Variants in TYW1B observed in about 807,000 individuals in gnomAD.
The protein encoded by TYW1B is S-adenosyl-L-methionine-dependent tRNA 4-demethylwyosine synthase TYW1B.
TYW1B carries 73 observed loss-of-function variants against 86.9 expected under a neutral mutation model. That is an observed-to-expected ratio of 0.84 (90% CI 0.70 to 1.02). The LOEUF (loss-of-function observed/expected upper bound fraction) is 1.02, where lower values mean the gene tolerates loss of function less well. Among genes scored for constraint, TYW1B ranks in the 50% least tolerant of loss-of-function variants. The pLI, the probability that TYW1B is intolerant of heterozygous loss-of-function variation, is 0.00. For synonymous variants in TYW1B, 248 were observed against 292.8 expected, an observed-to-expected ratio of 0.85 and a Z score of 1.56; for missense variants, 637 against 827.4, an observed-to-expected ratio of 0.77 and a Z score of 2.82.
At chr7:72,704,808 A>G (rs1814574995) in intron 10 of TYW1B, among the ~76,000 whole-genome samples, 1 of 152,084 alleles carries the variant, frequency 6.6e-6, no homozygotes, top group Admixed American at 6.6e-5. Context: ...CAACGTCAGA[A>G]AGACACCAGG....
chr7:72,743,503 T>C (rs1259197574), intron 8 of TYW1B, among the ~76,000 whole-genome samples: 2 of 151,950 alleles, frequency 1.3e-5, no homozygotes, highest in Admixed American at 6.6e-5. Context: ...TGAGTTGGCA[T>C]AGAGAACTAG....
chr7:72,629,382 A>G (rs1481690848), intron 11 of TYW1B, among the ~76,000 whole-genome samples: 1 of 152,110 alleles, frequency 6.6e-6, no homozygotes, highest in Non-Finnish European at 1.5e-5. Context: ...TAATCACCCA[A>G]GTTGTTAGTG....
intron 5 of TYW1B, among the ~76,000 whole-genome samples, chr7:72,805,970 G>T (rs1056236222): frequency 1.3e-5 from 2 of 152,088 alleles, no homozygotes; most frequent in Admixed American, 6.6e-5. Context: ...AGGAATTGGG[G>T]TATTTAAAGA....
At chr7:72,818,750 G>A (rs1345317187) in intron 2 of TYW1B, among the ~76,000 whole-genome samples, 4 of 151,966 alleles carry the variant, frequency 2.6e-5, no homozygotes, top group Non-Finnish European at 4.4e-5. Context: ...GGCAAAGGAG[G>A]AGCAGGCACA....
intron 11 of TYW1B, among the ~76,000 whole-genome samples, chr7:72,689,558 C>T (rs1814090188): frequency 6.6e-6 from 1 of 152,132 alleles, no homozygotes. Context: ...CTCCCTACTA[C>T]TGGCCAACAA....
intron 6 of TYW1B, among the ~76,000 whole-genome samples, chr7:72,798,523 T>C (rs1471490707): frequency 6.6e-6 from 1 of 152,204 alleles, no homozygotes; most frequent in African/African-American, 2.4e-5. Flanking sequence ...GGATATACCA[T>C]GCTTTTTTCA....
intron 6 of TYW1B, among the ~76,000 whole-genome samples, chr7:72,792,543 A>G (rs1788238289): frequency 6.6e-6 from 1 of 152,200 alleles, no homozygotes; most frequent in Non-Finnish European, 1.5e-5. Flanking sequence ...ATGGAAACAG[A>G]AGGGAAACTT....
At chr7:72,650,197 A>G (rs1813027050) in intron 11 of TYW1B, among the ~76,000 whole-genome samples, 1 of 151,702 alleles carries the variant, frequency 6.6e-6, no homozygotes, top group Non-Finnish European at 1.5e-5. Context: ...TACAGGAGTG[A>G]GCCACCGCGC....
intron 6 of TYW1B, among the ~76,000 whole-genome samples, chr7:72,777,861 A>G (rs1787984952): frequency 6.6e-6 from 1 of 152,210 alleles, no homozygotes; most frequent in Non-Finnish European, 1.5e-5. Context: ...AGTTGCAGTG[A>G]GCCAAGATCA....
At chr7:72,676,231 T>C (rs1813732023) in intron 11 of TYW1B, among the ~76,000 whole-genome samples, 5 of 152,196 alleles carry the variant, frequency 3.3e-5, no homozygotes, top group Admixed American at 3.3e-4. Flanking sequence ...TGACCTTCAA[T>C]TTCCTCGTCT....
At chr7:72,819,423 C>T (rs1316074899) in intron 2 of TYW1B, among the ~76,000 whole-genome samples, 4 of 152,052 alleles carry the variant, frequency 2.6e-5, no homozygotes, top group African/African-American at 9.7e-5. Flanking sequence ...GTACCTGAGA[C>T]TGGGTAATCT....
chr7:72,750,271 AT>A (rs1554464832), intron 7 of TYW1B, among the ~76,000 whole-genome samples: 1 of 151,698 alleles, frequency 6.6e-6, no homozygotes, highest in African/African-American at 2.4e-5. Flanking sequence ...AATTCTTTCC[AT>A]TTTCCTTCAT....
chr7:72,691,592 T>A (rs1554450330), intron 11 of TYW1B, among the ~76,000 whole-genome samples: 1 of 152,180 alleles, frequency 6.6e-6, no homozygotes, highest in South Asian at 2.1e-4. Flanking sequence ...TGTGTTAATG[T>A]TTCCTTGTCA....
chr7:72,766,782 C>G (rs576706199), intron 7 of TYW1B, among the ~76,000 whole-genome samples: 9 of 151,058 alleles, frequency 6.0e-5, no homozygotes, highest in African/African-American at 2.2e-4. Context: ...CAAAAATTAC[C>G]CAGGCATGGT....
intron 11 of TYW1B, among the ~76,000 whole-genome samples, chr7:72,688,573 T>C (rs1447777400): frequency 2.0e-5 from 3 of 152,242 alleles, no homozygotes; most frequent in African/African-American, 4.8e-5. Flanking sequence ...TCACTCTCTA[T>C]GTGCTTCACG....
chr7:72,813,941 G>A (rs1788671759), intron 3 of TYW1B, among the ~76,000 whole-genome samples: 1 of 151,536 alleles, frequency 6.6e-6, no homozygotes, highest in Non-Finnish European at 1.5e-5. Context: ...CTTAAACCCT[G>A]GAGCTGGAGG....
chr7:72,763,954 A>G (rs868912869), intron 7 of TYW1B, among the ~76,000 whole-genome samples: 3 of 152,198 alleles, frequency 2.0e-5, no homozygotes, highest in Admixed American at 6.5e-5. Flanking sequence ...TAAATATTCT[A>G]AAAAGTATAT....
At chr7:72,736,761 T>C (rs1787203583) in intron 8 of TYW1B, among the ~76,000 whole-genome samples, 1 of 152,224 alleles carries the variant, frequency 6.6e-6, no homozygotes, top group Non-Finnish European at 1.5e-5. Flanking sequence ...TTTCACTTAG[T>C]ATAATATTTT....
At chr7:72,772,128 C>T (rs1334850388) in intron 7 of TYW1B, among the ~76,000 whole-genome samples, 4 of 151,588 alleles carry the variant, frequency 2.6e-5, no homozygotes, top group African/African-American at 9.7e-5. Context: ...GCATTACAAG[C>T]GTGAGCCACC....
Sources: gnomAD v4.1 joint callset for allele counts (sites outside exome capture counted in the v4.1 genomes callset) on GRCh38, gnomAD v4.1.1 for gene constraint, MANE v1.5 for transcripts, NCBI Gene and HGNC (gene_info 2026-07-23, HGNC 2026-07-21) for gene names.